Variants in STX7 observed in about 807,000 individuals in gnomAD.
STX7 encodes syntaxin 7.
STX7 carries 34 observed loss-of-function variants against 39.6 expected under a neutral mutation model. That is an observed-to-expected ratio of 0.86 (90% confidence interval 0.65 to 1.14). The LOEUF is 1.14. Ranked by LOEUF, STX7 falls within the 50% of genes most tolerant of loss-of-function variation. The pLI is 0.00. For missense variants in STX7, 284 were observed against 310.4 expected (o/e 0.92, Z 0.64); for synonymous variants, 119 against 99.1 (o/e 1.20, Z -1.19).
intron 1 of STX7, among the ~76,000 whole-genome samples, chr6:132,505,870 CATG>C (rs1216409345): frequency 2.0e-5 from 3 of 151,394 alleles, no homozygotes; most frequent in Admixed American, 6.6e-5. Context: ...ACTAAAACAG[CATG>C]ATATTCATAT....
intron 3 of STX7, among the ~76,000 whole-genome samples, chr6:132,474,312 A>G (rs1774815507): frequency 6.6e-6 from 1 of 151,456 alleles, no homozygotes; most frequent in African/African-American, 2.4e-5. Flanking sequence ...AAAATATTAG[A>G]ACTTTTATGA....
rs546045872 is a variant in STX7, at chr6:132,506,620, A to T, written c.-58-3032T>A. ...AACACATCTTGAACGGAAAAAAAAG[A>T]AAAAAAGTCAAACAAGTACAGATGT... On this transcript the variant is annotated intron_variant, in intron 1 of 9. Coordinates refer to ENST00000367941, the MANE Select transcript of STX7 (RefSeq NM_003569.3). Among the ~76,000 whole-genome samples, 201 of 152,260 alleles carry T rather than the reference A, an allele frequency of 1.3e-3. 1 individual carries two copies. Among genetic ancestry groups the T allele is most frequent in the African/African-American group, 4.7e-3 (195 of 41,566 alleles).
At chr6:132,498,597 C>A (rs1359239373) in intron 2 of STX7, among the ~76,000 whole-genome samples, 2 of 152,118 alleles carry the variant, frequency 1.3e-5, no homozygotes, top group Admixed American at 6.5e-5. Context: ...CTTTAGGTTT[C>A]TTTTGTAAAA....
intron 9 of STX7, among the ~76,000 whole-genome samples, chr6:132,462,107 T>C (rs572909969): frequency 7.2e-5 from 11 of 152,336 alleles, no homozygotes; most frequent in African/African-American, 2.4e-4. Context: ...ACACATGTAA[T>C]GTACCTGTGA....
At chr6:132,464,150 T>C in intron 8 of STX7, 75 bp from the exon 9 acceptor site, 3 of 1,381,082 alleles carry the variant, frequency 2.2e-6, no homozygotes, top group South Asian at 2.3e-5. Context: ...CTAAATTTCA[T>C]TCAAGGTAAG....
intron 1 of STX7, among the ~76,000 whole-genome samples, chr6:132,508,276 C>A (rs1035980788): frequency 2.6e-5 from 4 of 152,192 alleles, no homozygotes; most frequent in Non-Finnish European, 5.9e-5. Context: ...ATTTTCCTTA[C>A]CCTTAAAACT....
rs1298988458 is a variant in STX7, at chr6:132,449,677, T to C, written c.*11081A>G. On this transcript the variant is annotated 3_prime_UTR_variant, in exon 10 of 10. Coordinates refer to ENST00000367941, the MANE Select transcript of STX7 (RefSeq NM_003569.3). ...TCTGCTCTTAAACCATTCATTATGT[T>C]ATATATTTCAATAATTAAATTTCAT... 6.6e-6 allele frequency: 1 copy of C among 152,242 alleles called. No individual in the cohort carries two copies. Among genetic ancestry groups the C allele is most frequent in the Non-Finnish European group, 1.5e-5 (1 of 68,032 alleles). The allele number at this position is 152,242 out of a possible 1,614,324, so 9.4% of individuals were successfully genotyped here.
chr6:132,505,576 G>C (rs1775676929), intron 1 of STX7, among the ~76,000 whole-genome samples: 2 of 151,928 alleles, frequency 1.3e-5, no homozygotes, highest in Non-Finnish European at 2.9e-5. Flanking sequence ...CCTAAAGTCA[G>C]ACAGCTGGAC....
chr6:132,479,133 T>C (rs1262823194), intron 2 of STX7, among the ~76,000 whole-genome samples: 2 of 152,242 alleles, frequency 1.3e-5, no homozygotes, highest in Non-Finnish European at 2.9e-5. Flanking sequence ...ATAACTGGCA[T>C]ACTTCTGCAA....
At chr6:132,503,125 G>C (rs1775618122) in intron 2 of STX7, among the ~76,000 whole-genome samples, 1 of 152,136 alleles carries the variant, frequency 6.6e-6, no homozygotes, top group South Asian at 2.1e-4. Flanking sequence ...ATGAGACTGA[G>C]TCATCAGGTC....
At chr6:132,488,964 G>T (rs1341131784) in intron 2 of STX7, among the ~76,000 whole-genome samples, 2 of 152,058 alleles carry the variant, frequency 1.3e-5, no homozygotes, top group Non-Finnish European at 2.9e-5. Flanking sequence ...CACTTTGGGA[G>T]GCCAAGGTAA....
intron 2 of STX7, among the ~76,000 whole-genome samples, chr6:132,491,546 G>T (rs1775287940): frequency 6.6e-6 from 1 of 152,078 alleles, no homozygotes; most frequent in Non-Finnish European, 1.5e-5. Context: ...GTAGTTTCTG[G>T]CTCGCTGCCA....
rs1222194923 is a variant in STX7, at chr6:132,472,329, T to A, written c.202A>T (p.Lys68Ter). 1.9e-6 allele frequency: 3 copies of A among 1,613,628 alleles called. No homozygotes were observed. In the African/African-American group the frequency reaches 4.0e-5, roughly 22 times the overall value. ...YTNQLAKETD[K>*]YIKEFGSLPT... is the part of the protein sequence containing the mutation. ...AGAGATCCAAACTCTTTAATGTACT[T>A]ATCTGTTTCTTTGGCAAGCTGGTTA... The change falls in exon 4 of 10, where the codon AAG (lysine) becomes TAG (stop). Residue 68 changes from lysine (K) to a stop codon, truncating the protein, a stop_gained. Transcript: ENST00000367941. LOFTEE classifies it high-confidence loss of function.
At chr6:132,461,589 C>A (rs781332508) in intron 9 of STX7, 28 of 417,040 alleles carry the variant, frequency 6.7e-5, no homozygotes, top group Non-Finnish European at 1.2e-4. Flanking sequence ...GGATTACAGG[C>A]GTGAGCCACC....
At chr6:132,505,755 A>AC (rs1169387541) in intron 1 of STX7, among the ~76,000 whole-genome samples, 44 of 149,802 alleles carry the variant, frequency 2.9e-4, no homozygotes, top group Middle Eastern at 3.4e-3. Flanking sequence ...AAAAAAAAAA[A>AC]AAAAAAAAAC....
chr6:132,482,052 T>C (rs1775026592), intron 2 of STX7, among the ~76,000 whole-genome samples: 2 of 152,198 alleles, frequency 1.3e-5, no homozygotes, highest in African/African-American at 4.8e-5. Context: ...TTCCAGAATT[T>C]ATCATATTGT....
chr6:132,474,688 C>G (rs577165679), intron 3 of STX7, among the ~76,000 whole-genome samples: 1 of 152,096 alleles, frequency 6.6e-6, no homozygotes, highest in South Asian at 2.1e-4. Context: ...GGAAACAGTT[C>G]TTTTGGTCTA....
At chr6:132,503,378 T>C (rs1775624287) in intron 2 of STX7, 68 bp downstream of exon 2, 1 of 1,379,970 alleles carries the variant, frequency 7.2e-7, no homozygotes, top group African/African-American at 1.4e-5. Flanking sequence ...GTTGTCCTTT[T>C]ATGAACCTCC....
intron 9 of STX7, among the ~76,000 whole-genome samples, chr6:132,463,189 C>CGGA (rs1489020130): frequency 1.3e-5 from 2 of 151,930 alleles, no homozygotes; most frequent in Non-Finnish European, 2.9e-5. Flanking sequence ...GCCTGGGCAT[C>CGGA]GGAGCCAGAC....
Sources: allele counts gnomAD v4.1 joint callset (sites outside exome capture counted in the v4.1 genomes callset), GRCh38; gene constraint gnomAD v4.1.1; transcripts MANE v1.5; gene names NCBI Gene and HGNC (gene_info 2026-07-23, HGNC 2026-07-21).